BCAS3: variants seen among roughly 807,000 people sequenced by gnomAD.
The protein encoded by BCAS3 is BCAS4/BCAS3 fusion.
Under a neutral mutation model 116.1 loss-of-function variants are expected in BCAS3, and 53 were observed. That is an observed-to-expected ratio of 0.46 (90% CI 0.37 to 0.57). The LOEUF is 0.57. BCAS3 is among the 20% of genes least tolerant of loss of function. BCAS3 has a pLI of 0.00. For missense variants in BCAS3, 917 were observed against 1,165.4 expected, an observed-to-expected ratio of 0.79 and a Z score of 3.10; for synonymous variants, 391 against 408.2, an observed-to-expected ratio of 0.96 and a Z score of 0.51.
At chr17:61,293,659 C>T (rs1935562507) in intron 22 of BCAS3, among the ~76,000 whole-genome samples, 3 of 152,206 alleles carry the variant, frequency 2.0e-5, no homozygotes, top group Non-Finnish European at 4.4e-5. Flanking sequence ...GGGATCAGCA[C>T]TGTCAAGTAT....
intron 14 of BCAS3, among the ~76,000 whole-genome samples, chr17:60,979,835 A>G (rs2062677153): frequency 6.6e-6 from 1 of 152,116 alleles, no homozygotes; most frequent in African/African-American, 2.4e-5. Context: ...CTTGCATCCC[A>G]GGGATGAAGC....
At chr17:60,771,471 CTT>C (rs927044678) in intron 6 of BCAS3, among the ~76,000 whole-genome samples, 12 of 152,066 alleles carry the variant, frequency 7.9e-5, no homozygotes, top group Non-Finnish European at 1.5e-5. Context: ...TCAAATCAAA[CTT>C]TTAAAAGAAA....
chr17:61,246,451 AAC>A (rs1411249414), intron 22 of BCAS3, among the ~76,000 whole-genome samples: 1 of 148,404 alleles, frequency 6.7e-6, no homozygotes, highest in African/African-American at 2.5e-5. Flanking sequence ...CAGCCTGGGT[AAC>A]AGAGCAAGAC....
At chr17:61,292,569 T>C (rs2052529989) in intron 22 of BCAS3, among the ~76,000 whole-genome samples, 1 of 152,076 alleles carries the variant, frequency 6.6e-6, no homozygotes, top group African/African-American at 2.4e-5. Context: ...TGAGAATCGC[T>C]TGAACCCAGG....
In BCAS3 at chr17:61,248,218, T is replaced by C. The variant is rs2048123334; in HGVS notation, c.2426-120109T>C. ...CTGATCCTATCTCTTTTGTAGGTGG[T>C]ACCCTATTTGAGTCCTTCTGAAGAC... is the stretch of plus-strand genomic sequence containing the variant. On this transcript the variant is annotated intron_variant, in intron 22 of 23. Coordinates refer to ENST00000407086, the MANE Select transcript of BCAS3 (RefSeq NM_017679.5). This position sits in a 1 kb window ranked among gnomAD's most constrained non-coding sequence, Gnocchi z 4.3. 2.0e-5 allele frequency among the ~76,000 whole-genome samples: 3 copies of C among 152,196 alleles called. No individual in the cohort carries two copies. The highest frequency in any genetic ancestry group is 6.5e-5 in the Admixed American group (1 of 15,280).
chr17:60,843,624 T>C (rs1240477860), intron 7 of BCAS3, among the ~76,000 whole-genome samples: 1 of 152,212 alleles, frequency 6.6e-6, no homozygotes, highest in Non-Finnish European at 1.5e-5. Flanking sequence ...TTTATCTACC[T>C]TGTGACCAGT....
At chr17:60,771,864 GTC>G (rs1187427081) in intron 6 of BCAS3, among the ~76,000 whole-genome samples, 3 of 152,144 alleles carry the variant, frequency 2.0e-5, no homozygotes, top group African/African-American at 7.2e-5. Flanking sequence ...CTTCATCCAT[GTC>G]CCTACAAAGG....
At chr17:60,884,571 G>T (rs1432139777) in intron 9 of BCAS3, among the ~76,000 whole-genome samples, 2 of 144,962 alleles carry the variant, frequency 1.4e-5, no homozygotes, top group Non-Finnish European at 3.0e-5. Flanking sequence ...GCTTTCTCTT[G>T]TGGGCATTTA....
At chr17:60,798,582 A>G (rs953593079) in intron 6 of BCAS3, among the ~76,000 whole-genome samples, 1 of 152,178 alleles carries the variant, frequency 6.6e-6, no homozygotes. Flanking sequence ...TTATCCATTC[A>G]TCTGCTGAAG....
rs369370719 is a variant in BCAS3, at chr17:61,021,039, A to G, written c.1637+5138A>G. Among the ~76,000 whole-genome samples, 7 of 151,480 alleles carry G rather than the reference A, an allele frequency of 4.6e-5. No individual in the cohort carries two copies. The highest frequency in any genetic ancestry group is 8.8e-5 in the Non-Finnish European group (6 of 67,896). ...CATTTCTTTCCCCCTCCCCATCTTT[A>G]TATTTACTCATTTCATTTCTTCTCT... On this transcript the variant is annotated intron_variant, in intron 16 of 23. Transcript: ENST00000407086. This position sits in a 1 kb window ranked among gnomAD's most constrained non-coding sequence, Gnocchi z 4.6.
intron 14 of BCAS3, among the ~76,000 whole-genome samples, chr17:60,973,586 AATAT>A (rs34671111): frequency 2.9e-5 from 4 of 137,950 alleles, no homozygotes; most frequent in Admixed American, 7.2e-5. Context: ...CCTTATTATT[AATAT>A]ATATATATAT....
At chr17:60,727,346 C>T in intron 5 of BCAS3, 2 of 1,462,550 alleles carry the variant, frequency 1.4e-6, no homozygotes, top group South Asian at 1.1e-5. Context: ...CCCACCATAG[C>T]CACTCTGCTT....
chr17:61,053,759 T>C (rs2069104674), intron 19 of BCAS3, among the ~76,000 whole-genome samples: 2 of 152,216 alleles, frequency 1.3e-5, no homozygotes, highest in African/African-American at 4.8e-5. Flanking sequence ...GTAGGACTTA[T>C]TTAAAGAGTG....
At position 61,233,630 on chromosome 17, in the gene BCAS3, C is replaced by T. The variant is rs760724870; in HGVS notation, c.2426-134697C>T. Among the ~76,000 whole-genome samples the T allele has an allele frequency of 3.1e-4, 47 of 152,208 alleles. No individual in the cohort carries two copies. The highest frequency in any genetic ancestry group is 4.6e-4 in the Admixed American group (7 of 15,270). ...TTGCCTTAACCCTGTCTCTGATTCA[C>T]TGAGGGACCTTGGATAAGTCACAAT... is the stretch of plus-strand genomic sequence containing the variant. On this transcript the variant is annotated intron_variant, in intron 22 of 23. Coordinates refer to ENST00000407086, the MANE Select transcript of BCAS3 (RefSeq NM_017679.5). The surrounding 1 kb of genome is among the most constrained non-coding windows in gnomAD (Gnocchi z 4.3).
At position 61,004,691 on chromosome 17, in the gene BCAS3, A is replaced by G. The variant is rs2064523241; in HGVS notation, c.1487-11060A>G. Reference sequence around the variant, plus strand: ...TTTTGAATTTGGAGGAGGATGAGAAAAGGAAAAGGATTTAAGGTTCATTGA... The same window carrying G: ...TTTTGAATTTGGAGGAGGATGAGAAGAGGAAAAGGATTTAAGGTTCATTGA... On this transcript the variant is annotated intron_variant, in intron 15 of 23. Transcript: ENST00000407086. The surrounding 1 kb of genome is among the most constrained non-coding windows in gnomAD (Gnocchi z 4.8). Among the ~76,000 whole-genome samples the G allele has an allele frequency of 6.6e-6, 1 of 152,130 alleles. No homozygotes were observed.
At chr17:60,988,360 T>TTTTTTTTTTTTG (rs1555651709) in intron 14 of BCAS3, among the ~76,000 whole-genome samples, 3 of 134,812 alleles carry the variant, frequency 2.2e-5, no homozygotes, top group African/African-American at 9.5e-5. Flanking sequence ...TTTTTTTTTT[T>TTTTTTTTTTTTG]ATGTATGTGT....
rs564824330 is a variant in BCAS3 at position 61,355,378 on chromosome 17, T to C, written c.2426-12949T>C. 6.6e-6 allele frequency among the ~76,000 whole-genome samples: 1 copy of C among 151,926 alleles called. No homozygotes were observed. The highest frequency in any genetic ancestry group is 1.9e-4 in the East Asian group (1 of 5,168). On this transcript the variant is annotated intron_variant, in intron 22 of 23. Transcript: ENST00000407086. This position sits in a 1 kb window ranked among gnomAD's most constrained non-coding sequence, Gnocchi z 4.2. ...AAATCACAGGATTTAGCTGGGTTGC[T>C]CCCTCCACCCCCTACCACCCAACTG...
chr17:61,084,569 A>G lies in BCAS3; in HGVS notation c.2425+5A>G, dbSNP rs920628608. The G allele has an allele frequency of 8.7e-6, 14 of 1,604,956 alleles. No individual in the cohort carries two copies. Among genetic ancestry groups the G allele is most frequent in the Non-Finnish European group, 1.2e-5 (14 of 1,171,934 alleles). On this transcript the variant is annotated splice_donor_5th_base_variant and intron_variant, in intron 22 of 23. Coordinates refer to ENST00000407086, the MANE Select transcript of BCAS3 (RefSeq NM_017679.5). This position sits in a 1 kb window ranked among gnomAD's most constrained non-coding sequence, Gnocchi z 5.5. ...CAGTGATTGATGCTGCCTCAGGTAG[A>G]AAACCACCTCTGAAATATTTATTGG...
At chr17:61,094,856 T>A (rs1296031204) in intron 22 of BCAS3, among the ~76,000 whole-genome samples, 1 of 152,060 alleles carries the variant, frequency 6.6e-6, no homozygotes, top group African/African-American at 2.4e-5. Flanking sequence ...AAAAAAAAAT[T>A]TCTCATTAAA....
Sources: allele counts gnomAD v4.1 joint callset (sites outside exome capture counted in the v4.1 genomes callset), GRCh38; gene constraint gnomAD v4.1.1; non-coding constraint Gnocchi (gnomAD v3.1); transcripts MANE v1.5; gene names NCBI Gene and HGNC (gene_info 2026-07-23, HGNC 2026-07-21).